CPS1: variants seen among roughly 807,000 people sequenced by gnomAD.
CPS1 encodes carbamoyl-phosphate synthase 1, also known as carbamoyl-phosphate synthase [ammonia], mitochondrial.
CPS1 carries 109 observed loss-of-function variants against 174.6 expected under a neutral mutation model. The observed-to-expected ratio is 0.62, with a 90% CI of 0.53 to 0.73. The LOEUF is 0.73. Ranked by LOEUF, CPS1 falls within the 30% of genes least tolerant of loss-of-function variation. The pLI, the probability that CPS1 is intolerant of heterozygous loss-of-function variation, is 0.00. For synonymous variants in CPS1, 637 were observed against 632.0 expected, an observed-to-expected ratio of 1.01 and a Z score of -0.12; for missense variants, 1,689 against 1,821.9, an observed-to-expected ratio of 0.93 and a Z score of 1.33.
chr2:210,541,453 A>C (rs1453198277), intron 1 of CPS1, among the ~76,000 whole-genome samples: 2 of 152,156 alleles, frequency 1.3e-5, no homozygotes, highest in Non-Finnish European at 2.9e-5. Context: ...CAAGCAGTAC[A>C]CTCTGTACAG....
At chr2:210,648,564 A>C in intron 27 of CPS1, 24 bp downstream of exon 27, 2 of 1,595,260 alleles carry the variant, frequency 1.3e-6, no homozygotes, top group Non-Finnish European at 1.7e-6. Context: ...TTGTTTTCCA[A>C]AACAATGATT....
chr2:210,608,078 T>C lies in CPS1; in HGVS notation c.2193-283T>C, dbSNP rs79499195. ...ATAAAGGTTAAACTTTATTTATCAA[T>C]AAAGCTATCGATTTTGGGTTGAAGA... On this transcript the variant is annotated intron_variant, in intron 18 of 37. Coordinates refer to ENST00000233072, the MANE Select transcript of CPS1 (RefSeq NM_001875.5). Among the ~76,000 whole-genome samples, 1,185 of 152,032 alleles carry C rather than the reference T, an allele frequency of 7.8e-3. 20 individuals are homozygous for C. The highest frequency in any genetic ancestry group is 0.027 in the African/African-American group (1,112 of 41,524).
chr2:210,546,723 A>G (rs983536616), intron 1 of CPS1, among the ~76,000 whole-genome samples: 22 of 152,244 alleles, frequency 1.4e-4, no homozygotes, highest in African/African-American at 5.3e-4. Context: ...TAATAAAGAG[A>G]AAACTTCAGC....
chr2:210,676,213 G>C (rs910899470), intron 36 of CPS1, among the ~76,000 whole-genome samples: 1 of 152,162 alleles, frequency 6.6e-6, no homozygotes. Flanking sequence ...AAATCAATTT[G>C]TTGAGCACTT....
At chr2:210,515,744 G>A (rs995157147) in intron 1 of CPS1, among the ~76,000 whole-genome samples, 23 of 151,552 alleles carry the variant, frequency 1.5e-4, no homozygotes, top group African/African-American at 4.6e-4. Flanking sequence ...TGCTAGCTGC[G>A]GGGTTAGTTT....
chr2:210,495,955 C>T (rs142769275), intron 1 of CPS1, among the ~76,000 whole-genome samples: 1 of 151,534 alleles, frequency 6.6e-6, no homozygotes, highest in Non-Finnish European at 1.5e-5. Context: ...TCTCTCACTC[C>T]CTCCTTCCTT....
chr2:210,642,687 A>C, intron 25 of CPS1, 22 bp downstream of exon 25: 1 of 1,602,914 alleles, frequency 6.2e-7, no homozygotes, highest in Non-Finnish European at 8.5e-7. Flanking sequence ...AAAACAGAAA[A>C]AAAAGAAAAA....
chr2:210,665,397 C>T (rs1701060050), intron 33 of CPS1, among the ~76,000 whole-genome samples: 1 of 150,352 alleles, frequency 6.7e-6, no homozygotes, highest in African/African-American at 2.5e-5. Context: ...CATATGTATA[C>T]ATGTGCCATG....
chr2:210,487,323 T>A (rs913596168), intron 1 of CPS1, among the ~76,000 whole-genome samples: 1 of 152,156 alleles, frequency 6.6e-6, no homozygotes, highest in Non-Finnish European at 1.5e-5. Flanking sequence ...AGATATTCAG[T>A]TGGAGGACTT....
chr2:210,653,099 T>A (rs1434429536), intron 28 of CPS1, among the ~76,000 whole-genome samples: 2 of 152,126 alleles, frequency 1.3e-5, no homozygotes, highest in Non-Finnish European at 2.9e-5. Flanking sequence ...GGAGATAGCA[T>A]ATGACCTAGG....
rs368879550 is a variant in CPS1 at position 210,590,766 on chromosome 2, A to G, written c.841-34A>G. 3.9e-6 allele frequency: 6 copies of G among 1,546,154 alleles called. No individual in the cohort carries two copies. In the African/African-American group the frequency reaches 8.2e-5, roughly 21 times the overall value. ...CAGAAGCAACATTTTTTGGAACTGT[A>G]CTAATTGGTTAATAAAAATTCTCCC... On this transcript the variant is annotated intron_variant, in intron 8 of 37. Transcript: ENST00000233072.
intron 1 of CPS1, among the ~76,000 whole-genome samples, chr2:210,527,738 C>T (rs1297046924): frequency 1.3e-5 from 2 of 151,728 alleles, no homozygotes; most frequent in Admixed American, 6.6e-5. Context: ...CATGAAGTAT[C>T]GTGGTAAGTA....
At chr2:210,528,401 A>G (rs1696030359) in intron 1 of CPS1, among the ~76,000 whole-genome samples, 1 of 152,008 alleles carries the variant, frequency 6.6e-6, no homozygotes, top group Non-Finnish European at 1.5e-5. Flanking sequence ...AAAATATTGT[A>G]CATTTGAGAG....
At chr2:210,561,712 G>A (rs891802719) in intron 1 of CPS1, among the ~76,000 whole-genome samples, 1 of 152,168 alleles carries the variant, frequency 6.6e-6, no homozygotes, top group African/African-American at 2.4e-5. Context: ...GCGGGCCAAG[G>A]TCAAAGTTTG....
chr2:210,516,447 G>A (rs1695684524), intron 1 of CPS1, among the ~76,000 whole-genome samples: 3 of 151,650 alleles, frequency 2.0e-5, no homozygotes, highest in Admixed American at 2.0e-4. Context: ...GTGTCTTTAA[G>A]TTCACAATCC....
chr2:210,608,618 G>A, intron 19 of CPS1, 59 bp downstream of exon 19: 1 of 1,531,746 alleles, frequency 6.5e-7, no homozygotes, highest in South Asian at 1.1e-5. Context: ...TTAAATTTGT[G>A]ACACCATTGA....
At chr2:210,530,878 G>T (rs1435178854) in intron 1 of CPS1, among the ~76,000 whole-genome samples, 1 of 151,594 alleles carries the variant, frequency 6.6e-6, no homozygotes, top group Non-Finnish European at 1.5e-5. Context: ...TGTGGCCCAA[G>T]AATATGCATT....
In CPS1 at chr2:210,606,806, A is replaced by T. The variant is rs188345599; in HGVS notation, c.2057A>T (p.Asn686Ile). Residue 686 changes from asparagine (N) to isoleucine (I), a missense_variant, in exon 18 of 38, where the codon AAT (asparagine) becomes ATT (isoleucine). Transcript: ENST00000233072. ...EFQMLRRTSI[N>I]VVRHLGIVGE... is the part of the protein sequence containing the mutation. ...CAGATGTTGAGACGTACTTCAATCA[A>T]TGTTGTTCGCCACTTGGGCATTGTG... is the stretch of plus-strand genomic sequence containing the variant. The T allele has an allele frequency of 1.9e-6, 3 of 1,612,452 alleles. No individual in the cohort carries two copies. The highest frequency in any genetic ancestry group is 4.5e-5 in the East Asian group (2 of 44,800).
At chr2:210,493,744 T>A (rs182113264) in intron 1 of CPS1, among the ~76,000 whole-genome samples, 1 of 152,350 alleles carries the variant, frequency 6.6e-6, no homozygotes, top group East Asian at 1.9e-4. Flanking sequence ...TTGTTGTTTT[T>A]CAGTCTGCTG....
Sources: allele counts gnomAD v4.1 joint callset (sites outside exome capture counted in the v4.1 genomes callset), GRCh38; gene constraint gnomAD v4.1.1; transcripts MANE v1.5; gene names NCBI Gene and HGNC (gene_info 2026-07-23, HGNC 2026-07-21).